SPATA1: variants seen among roughly 807,000 people sequenced by gnomAD.
SPATA1 encodes spermatogenesis associated 1.
Under a neutral mutation model 59.6 loss-of-function variants are expected in SPATA1, and 57 were observed. The observed-to-expected ratio is 0.96, with a 90% confidence interval of 0.77 to 1.19. The LOEUF (loss-of-function observed/expected upper bound fraction) is 1.19, where lower values mean the gene tolerates loss of function less well. Among genes scored for constraint, SPATA1 ranks in the 50% most tolerant of loss-of-function variants. SPATA1 has a pLI of 0.00. For missense variants in SPATA1, 448 were observed against 480.7 expected (o/e 0.93, Z 0.64); for synonymous variants, 147 against 163.9 (o/e 0.90, Z 0.79).
At chr1:84,539,647 G>T (rs1341116253) in intron 8 of SPATA1, among the ~76,000 whole-genome samples, 4 of 152,134 alleles carry the variant, frequency 2.6e-5, no homozygotes, top group Non-Finnish European at 5.9e-5. Flanking sequence ...TGGGTTGTCT[G>T]CCATTTATTT....
chr1:84,523,396 A>G (rs1024497510), intron 4 of SPATA1, among the ~76,000 whole-genome samples: 21 of 152,222 alleles, frequency 1.4e-4, no homozygotes, highest in Non-Finnish European at 2.4e-4. Context: ...TAAACTCTTT[A>G]AAATGCAGCA....
At chr1:84,532,722 TATATC>T (rs1683520684) in intron 6 of SPATA1, 133 bp from the exon 7 acceptor site, 2 of 560,862 alleles carry the variant, frequency 3.6e-6, no homozygotes, top group South Asian at 6.0e-5. Flanking sequence ...ACTATTGACT[TATATC>T]TATATAGGAA....
At chr1:84,516,323 T>A in exon 2 of SPATA1, 1 of 1,493,736 alleles carries the variant, frequency 6.7e-7, no homozygotes. Flanking sequence ...GAAACAAAAT[T>A]CCAATTGATA....
At chr1:84,521,255 C>T (rs564466415) in intron 3 of SPATA1, among the ~76,000 whole-genome samples, 9 of 152,250 alleles carry the variant, frequency 5.9e-5, no homozygotes, top group Admixed American at 2.0e-4. Context: ...ATATCTACAA[C>T]GCCTCTTTCT....
intron 7 of SPATA1, among the ~76,000 whole-genome samples, chr1:84,533,274 C>T (rs1683544235): frequency 6.6e-6 from 1 of 152,002 alleles, no homozygotes; most frequent in African/African-American, 2.4e-5. Context: ...ATTATCCTGC[C>T]TCTCTTAAGT....
intron 1 of SPATA1, among the ~76,000 whole-genome samples, chr1:84,513,419 G>A (rs543356968): frequency 6.6e-6 from 1 of 152,326 alleles, no homozygotes; most frequent in East Asian, 1.9e-4. Context: ...ACAGGCGTGA[G>A]CCACAGTGCC....
downstream of SPATA1, among the ~76,000 whole-genome samples, chr1:84,556,702 C>T (rs1684441938): frequency 8.0e-6 from 1 of 124,892 alleles, no homozygotes; most frequent in South Asian, 2.8e-4. Flanking sequence ...CAGAGCAAGA[C>T]TCCGTCTCAA....
chr1:84,545,078 G>T (rs181855815), intron 9 of SPATA1, among the ~76,000 whole-genome samples: 1 of 150,788 alleles, frequency 6.6e-6, no homozygotes, highest in Non-Finnish European at 1.5e-5. Context: ...AAAATTAGGC[G>T]TGGTGGCAGC....
At chr1:84,557,100 T>A (rs529379450), downstream of SPATA1, among the ~76,000 whole-genome samples, 1 of 152,210 alleles carries the variant, frequency 6.6e-6, no homozygotes, top group Non-Finnish European at 1.5e-5. Context: ...TAAGACTAAT[T>A]TATGCATGGT....
intron 1 of SPATA1, among the ~76,000 whole-genome samples, chr1:84,511,339 A>G (rs941244239): frequency 2.0e-5 from 3 of 152,190 alleles, no homozygotes; most frequent in African/African-American, 4.8e-5. Flanking sequence ...CTTTTCCAAC[A>G]TAGATTCTGA....
downstream of SPATA1, chr1:84,556,119 A>G (rs1315978639): frequency 6.6e-6 from 1 of 152,136 alleles, no homozygotes; most frequent in African/African-American, 2.4e-5. Context: ...TCTTATGTTC[A>G]CCTTCCACCC....
chr1:84,509,711 A>G (rs1032190018), intron 1 of SPATA1, among the ~76,000 whole-genome samples: 3 of 152,242 alleles, frequency 2.0e-5, no homozygotes, highest in Non-Finnish European at 2.9e-5. Context: ...GATTGCAGTA[A>G]GCGGAGATCA....
At chr1:84,555,856 T>C (rs1389703678), downstream of SPATA1, 2 of 152,244 alleles carry the variant, frequency 1.3e-5, no homozygotes, top group Admixed American at 1.3e-4. Context: ...TTAAGGGGAA[T>C]CAATGCTCTG....
downstream of SPATA1, among the ~76,000 whole-genome samples, chr1:84,558,851 T>C (rs548499085): frequency 3.3e-5 from 5 of 152,080 alleles, no homozygotes; most frequent in African/African-American, 1.2e-4. Flanking sequence ...CAGTGAGCCA[T>C]GATTGTGCCA....
At chr1:84,532,356 C>T (rs532391268) in intron 6 of SPATA1, among the ~76,000 whole-genome samples, 9 of 152,198 alleles carry the variant, frequency 5.9e-5, no homozygotes, top group African/African-American at 1.9e-4. Context: ...ATTCGCTGGG[C>T]GTGGTAGCAC....
chr1:84,520,587 G>C (rs867908506), exon 3 of SPATA1: 2 of 1,520,122 alleles, frequency 1.3e-6, no homozygotes, highest in Admixed American at 4.6e-5. Flanking sequence ...TTATTCAGTT[G>C]GTGGAACTTC....
chr1:84,521,194 A>C (rs1683010947), intron 3 of SPATA1, among the ~76,000 whole-genome samples: 2 of 139,368 alleles, frequency 1.4e-5, no homozygotes, highest in Non-Finnish European at 1.6e-5. Flanking sequence ...AACGGAAGGA[A>C]GGGAGGGAGG....
intron 9 of SPATA1, among the ~76,000 whole-genome samples, chr1:84,545,164 C>G (rs1429454675): frequency 6.6e-6 from 1 of 150,552 alleles, no homozygotes; most frequent in Admixed American, 6.6e-5. Context: ...TTGGAGTGAG[C>G]CAGTATTGCA....
chr1:84,520,901 C>T (rs1682995731), intron 3 of SPATA1, among the ~76,000 whole-genome samples: 1 of 152,150 alleles, frequency 6.6e-6, no homozygotes, highest in Admixed American at 6.5e-5. Flanking sequence ...GGCCATAATA[C>T]TACCACCCAG....
Sources: gnomAD v4.1 joint callset for allele counts (sites outside exome capture counted in the v4.1 genomes callset) on GRCh38, gnomAD v4.1.1 for gene constraint, MANE v1.5 for transcripts, NCBI Gene and HGNC (gene_info 2026-07-23, HGNC 2026-07-21) for gene names.